Variants in SLC9A7 observed in about 807,000 individuals in gnomAD.
SLC9A7 encodes solute carrier family 9 member A7.
A neutral mutation model predicts 52.6 loss-of-function variants in SLC9A7; 19 were observed. The ratio of observed to expected loss-of-function variants is 0.36; its 90% CI spans 0.25 to 0.53. The LOEUF is 0.53. Among genes scored for constraint, SLC9A7 ranks in the 20% least tolerant of loss-of-function variants. The pLI, the probability that SLC9A7 is intolerant of heterozygous loss-of-function variation, is 0.91. For missense variants in SLC9A7, 455 were observed against 597.9 expected (o/e 0.76, Z 2.49); for synonymous variants, 226 against 252.1 (o/e 0.90, Z 0.98).
chrX:46,715,709 C>T (rs1358104157), intron 1 of SLC9A7, among the ~76,000 whole-genome samples: 3 of 111,723 alleles, frequency 2.7e-5, no homozygotes, highest in Non-Finnish European at 3.8e-5. Context: ...TCAGTAGAAA[C>T]TGAACTTTGA....
In SLC9A7 at chrX:46,613,301, G is replaced by C; in HGVS notation, c.1917C>G (p.Pro639=). ...GTGCAGTACTTACATCGTACACCTG[G>C]GGACTGGTCAGACATCGAGCTAGTA... ...CGLLARCLTS[P]QVYDNQEPLR... is the part of the protein sequence containing the mutation. Residue 639 remains proline (P), a synonymous_variant, in exon 16 of 17, where the codon CCC becomes CCG. Transcript: ENST00000616978. 8.3e-7 allele frequency: 1 copy of C among 1,204,143 alleles called. No homozygotes were observed. The highest frequency in any genetic ancestry group is 1.1e-6 in the Non-Finnish European group (1 of 890,545).
chrX:46,740,892 T>C (rs1226590267), intron 1 of SLC9A7, among the ~76,000 whole-genome samples: 1 of 72,290 alleles, frequency 1.4e-5, no homozygotes, highest in Non-Finnish European at 2.8e-5. Context: ...ATTGTCTATG[T>C]ATGAAATAAG....
At chrX:46,721,003 G>A (rs1017249665) in intron 1 of SLC9A7, among the ~76,000 whole-genome samples, 1 of 111,980 alleles carries the variant, frequency 8.9e-6, no homozygotes, top group Non-Finnish European at 1.9e-5. Context: ...GAACAAACAG[G>A]CTGAACAAAG....
At chrX:46,662,684 C>T (rs1300201381) in intron 5 of SLC9A7, 41 bp from the exon 6 acceptor site, 1 of 1,039,071 alleles carries the variant, frequency 9.6e-7, no homozygotes, top group Non-Finnish European at 1.3e-6. Context: ...GTTTTGGTTT[C>T]TGACCTTAAA....
chrX:46,706,404 C>T (rs1438436388), intron 1 of SLC9A7, among the ~76,000 whole-genome samples: 2 of 108,007 alleles, frequency 1.9e-5, no homozygotes, highest in African/African-American at 6.7e-5. Context: ...GTAATGGGTA[C>T]ATGGGATTTG....
chrX:46,749,790 G>C (rs1045768489), intron 1 of SLC9A7, among the ~76,000 whole-genome samples: 22 of 111,468 alleles, frequency 2.0e-4, no homozygotes, highest in African/African-American at 7.2e-4. Flanking sequence ...ACATAAAAGA[G>C]TCAACTTTGG....
intron 3 of SLC9A7, among the ~76,000 whole-genome samples, chrX:46,678,003 C>G (rs751086153): frequency 4.5e-5 from 5 of 111,926 alleles, no homozygotes; most frequent in African/African-American, 1.6e-4. Flanking sequence ...TTTTTCACGG[C>G]AAGATCTCAT....
At chrX:46,682,289 A>G (rs760443476) in intron 2 of SLC9A7, 47 bp downstream of exon 2, 3 of 1,133,398 alleles carry the variant, frequency 2.6e-6, no homozygotes, top group Admixed American at 2.2e-5. Context: ...AAGTCAGGGA[A>G]TCAACAACCA....
intron 14 of SLC9A7, among the ~76,000 whole-genome samples, chrX:46,626,066 G>C (rs1052558798): frequency 9.0e-6 from 1 of 111,618 alleles, no homozygotes; most frequent in African/African-American, 3.3e-5. Flanking sequence ...CAGCACTTTG[G>C]GAGGCCAAGA....
intron 1 of SLC9A7, among the ~76,000 whole-genome samples, chrX:46,683,677 G>A (rs1944248946): frequency 8.9e-6 from 1 of 111,843 alleles, no homozygotes; most frequent in Non-Finnish European, 1.9e-5. Context: ...ACATGCCCAA[G>A]TAAAAGTGAG....
At chrX:46,614,914 T>C (rs1337295480) in intron 15 of SLC9A7, among the ~76,000 whole-genome samples, 4 of 112,338 alleles carry the variant, frequency 3.6e-5, no homozygotes, top group African/African-American at 1.3e-4. Flanking sequence ...CACTTTCTGT[T>C]TTCATTTAGA....
At chrX:46,639,882 A>G (rs1244854213) in intron 12 of SLC9A7, among the ~76,000 whole-genome samples, 1 of 111,717 alleles carries the variant, frequency 9.0e-6, no homozygotes, top group Non-Finnish European at 1.9e-5. Context: ...ACAAGTACTA[A>G]CAAAACATGT....
At chrX:46,728,367 G>C (rs1484798483) in intron 1 of SLC9A7, among the ~76,000 whole-genome samples, 1 of 111,748 alleles carries the variant, frequency 8.9e-6, no homozygotes, top group Admixed American at 9.5e-5. Flanking sequence ...ACTTCAAAGA[G>C]GATATATGGA....
intron 14 of SLC9A7, among the ~76,000 whole-genome samples, chrX:46,626,824 A>T (rs931887854): frequency 3.6e-5 from 4 of 111,830 alleles, no homozygotes; most frequent in Non-Finnish European, 7.5e-5. Context: ...CTTCACTATG[A>T]TTGTGCGTTT....
chrX:46,606,640 C>T lies in SLC9A7; in HGVS notation c.*312G>A. 1 of 949,680 alleles carries T rather than the reference C, an allele frequency of 1.1e-6. No individual in the cohort carries two copies. The highest frequency in any genetic ancestry group is 1.3e-6 in the Non-Finnish European group (1 of 760,118). 78.3% of individuals were successfully genotyped at this position (949,680 alleles called of 1,213,427 possible). ...CACCCAGCACCTGCCTCGCCTTGTTCAGATACTGCAGGTGAATGAATTAGG... is the reference window on the plus strand; with the variant it reads ...CACCCAGCACCTGCCTCGCCTTGTTTAGATACTGCAGGTGAATGAATTAGG... On this transcript the variant is annotated 3_prime_UTR_variant, in exon 17 of 17. Transcript: ENST00000616978.
In SLC9A7 at chrX:46,662,071, C is replaced by T. The variant is rs1371479922; in HGVS notation, c.986G>A (p.Gly329Asp). 1 of 1,203,120 alleles carries T rather than the reference C, an allele frequency of 8.3e-7. No homozygotes were observed. The highest frequency in any genetic ancestry group is 1.8e-5 in the African/African-American group (1 of 56,852). Residue 329 changes from glycine to aspartate, a missense_variant, in exon 7 of 17, where the codon GGT becomes GAT. By Grantham distance (94) the Gly-to-Asp change is moderately conservative. Transcript: ENST00000616978. ...CATGGTAAAAGAGCCACTAAATATA[C>T]CTAGAAAAATGCCAACTGACTTAAA... ...AFFKSVGIFL[G>D]IFSGSFTMGA... is the part of the protein sequence containing the mutation.
intron 15 of SLC9A7, among the ~76,000 whole-genome samples, chrX:46,618,021 C>CA (rs1160461867): frequency 9.0e-6 from 1 of 111,166 alleles, no homozygotes; most frequent in African/African-American, 3.3e-5. Flanking sequence ...TGCTTGAAGG[C>CA]TTCAGAAAGC....
intron 1 of SLC9A7, among the ~76,000 whole-genome samples, chrX:46,739,655 G>A (rs1569525505): frequency 9.0e-6 from 1 of 111,504 alleles, no homozygotes; most frequent in Non-Finnish European, 1.9e-5. Context: ...TCTTTAGCTT[G>A]CTTCAACACA....
At chrX:46,675,294 G>T (rs910392410) in intron 3 of SLC9A7, among the ~76,000 whole-genome samples, 1 of 111,182 alleles carries the variant, frequency 9.0e-6, no homozygotes, top group African/African-American at 3.3e-5. Context: ...AGGCCAGAGG[G>T]TCTGAATGTT....
Sources: gnomAD v4.1 joint callset for allele counts (sites outside exome capture counted in the v4.1 genomes callset) on GRCh38, gnomAD v4.1.1 for gene constraint, MANE v1.5 for transcripts, NCBI Gene and HGNC (gene_info 2026-07-23, HGNC 2026-07-21) for gene names.